Variants in BCAS3 observed in about 807,000 individuals in gnomAD.
BCAS3 encodes the protein BCAS3 microtubule associated cell migration factor, also known as BCAS4/BCAS3 fusion.
Under a neutral mutation model 116.1 loss-of-function variants are expected in BCAS3, and 53 were observed. The ratio of observed to expected loss-of-function variants is 0.46; its 90% CI spans 0.37 to 0.57. BCAS3 has a LOEUF of 0.57. Among genes scored for constraint, BCAS3 ranks in the 20% least tolerant of loss-of-function variants. BCAS3 has a pLI of 0.00. For synonymous variants in BCAS3, 391 were observed against 408.2 expected (o/e 0.96, Z 0.51); for missense variants, 917 against 1,165.4 (o/e 0.79, Z 3.10).
intron 6 of BCAS3, among the ~76,000 whole-genome samples, chr17:60,799,078 T>G (rs1467256555): frequency 6.6e-6 from 1 of 152,232 alleles, no homozygotes; most frequent in Non-Finnish European, 1.5e-5. Context: ...ATGTGTTTTT[T>G]GCAAATGTTT....
At chr17:61,072,278 T>C (rs2071504842) in intron 19 of BCAS3, among the ~76,000 whole-genome samples, 1 of 152,192 alleles carries the variant, frequency 6.6e-6, no homozygotes, top group African/African-American at 2.4e-5. Context: ...TGAGCCTCCA[T>C]GTACCTATCA....
At chr17:60,931,759 G>A (rs2059657206) in intron 13 of BCAS3, among the ~76,000 whole-genome samples, 1 of 152,086 alleles carries the variant, frequency 6.6e-6, no homozygotes. Flanking sequence ...TCAATAAAAT[G>A]GGGGCTAGTA....
At chr17:60,799,845 T>C (rs2047605732) in intron 6 of BCAS3, among the ~76,000 whole-genome samples, 1 of 149,284 alleles carries the variant, frequency 6.7e-6, no homozygotes, top group South Asian at 2.1e-4. Flanking sequence ...CATGAGCCAA[T>C]GAGACACCGT....
intron 7 of BCAS3, among the ~76,000 whole-genome samples, chr17:60,836,963 T>C (rs189345124): frequency 6.6e-4 from 100 of 152,326 alleles, no homozygotes; most frequent in Admixed American, 5.0e-3. Context: ...ATTTGTCTGT[T>C]TGGTGAAGGC....
Position 61,302,442 on chromosome 17 carries a change from A to G in BCAS3, c.2426-65885A>G, listed in dbSNP as rs1341235821. 6.6e-6 allele frequency among the ~76,000 whole-genome samples: 1 copy of G among 152,154 alleles called. No individual in the cohort carries two copies. Among genetic ancestry groups the G allele is most frequent in the Non-Finnish European group, 1.5e-5 (1 of 68,022 alleles). ...ATGCAAATTTTCCTGCCTTTTTACT[A>G]TGGTCATTTTTAGATTCTTGAGGAA... On this transcript the variant is annotated intron_variant, in intron 22 of 23. Coordinates refer to ENST00000407086, the MANE Select transcript of BCAS3 (RefSeq NM_017679.5). This position sits in a 1 kb window ranked among gnomAD's most constrained non-coding sequence, Gnocchi z 4.4.
chr17:61,132,063 G>A lies in BCAS3; in HGVS notation c.2425+47499G>A, dbSNP rs190662949. 2.2e-4 allele frequency among the ~76,000 whole-genome samples: 33 copies of A among 152,260 alleles called. No homozygotes were observed. Among genetic ancestry groups the A allele is most frequent in the African/African-American group, 7.5e-4 (31 of 41,570 alleles). ...TTATAGCCACTCTGTCCCCAAAGAAGTTTTTAATGCTTTGACCTATAACCA... is the reference window on the plus strand; with the variant it reads ...TTATAGCCACTCTGTCCCCAAAGAAATTTTTAATGCTTTGACCTATAACCA... On this transcript the variant is annotated intron_variant, in intron 22 of 23. Transcript: ENST00000407086. The surrounding 1 kb of genome is among the most constrained non-coding windows in gnomAD (Gnocchi z 5.1).
chr17:60,754,618 G>T (rs1330792444), intron 6 of BCAS3, among the ~76,000 whole-genome samples: 4 of 151,656 alleles, frequency 2.6e-5, no homozygotes, highest in Non-Finnish European at 2.9e-5. Context: ...TCCTGCTCCT[G>T]GAGAAAGACA....
chr17:60,791,514 C>T (rs1409585043), intron 6 of BCAS3, among the ~76,000 whole-genome samples: 1 of 152,046 alleles, frequency 6.6e-6, no homozygotes, highest in Non-Finnish European at 1.5e-5. Context: ...ATTAGCTGGG[C>T]ATGGCGGCGC....
intron 22 of BCAS3, among the ~76,000 whole-genome samples, chr17:61,157,177 A>G (rs2077895694): frequency 1.3e-5 from 2 of 152,334 alleles, no homozygotes; most frequent in South Asian, 4.1e-4. Flanking sequence ...AAAGATGTAC[A>G]ATGTGAAGAT....
At chr17:61,246,828 T>C in intron 22 of BCAS3, among the ~76,000 whole-genome samples, 1 of 148,710 alleles carries the variant, frequency 6.7e-6, no homozygotes, top group Admixed American at 6.6e-5. Context: ...TGTGTGTGTG[T>C]GTATGTGTGT....
rs1262524530 is a variant in BCAS3 at position 61,145,311 on chromosome 17, G to A, written c.2425+60747G>A. Among the ~76,000 whole-genome samples the A allele has an allele frequency of 6.6e-6, 1 of 152,148 alleles. No homozygotes were observed. The highest frequency in any genetic ancestry group is 1.5e-5 in the Non-Finnish European group (1 of 68,024). On this transcript the variant is annotated intron_variant, in intron 22 of 23. Transcript: ENST00000407086. This position sits in a 1 kb window ranked among gnomAD's most constrained non-coding sequence, Gnocchi z 5.0. ...TATGCAAACTGACAGTTCACATCCT[G>A]GGGCAGCAGCGGGGTCTGGCCTGCA...
rs2076821435 is a variant in BCAS3 at position 61,139,666 on chromosome 17, A to G, written c.2425+55102A>G. 6.6e-6 allele frequency among the ~76,000 whole-genome samples: 1 copy of G among 152,204 alleles called. No homozygotes were observed. Among genetic ancestry groups the G allele is most frequent in the South Asian group, 2.1e-4 (1 of 4,836 alleles). The stretch of plus-strand genomic sequence containing the variant: ...CATGCAGTATAGTTCAGTGCGATTA[A>G]AAGTCATCATGCTACATGATGTAGG... On this transcript the variant is annotated intron_variant, in intron 22 of 23. Transcript: ENST00000407086. The surrounding 1 kb of genome is among the most constrained non-coding windows in gnomAD (Gnocchi z 4.7).
In BCAS3 at chr17:61,259,316, A is replaced by T. The variant is rs139068775; in HGVS notation, c.2426-109011A>T. 3.6e-3 allele frequency among the ~76,000 whole-genome samples: 555 copies of T among 152,288 alleles called. 6 individuals carry two copies. The highest frequency in any genetic ancestry group is 0.012 in the African/African-American group (511 of 41,556). The stretch of plus-strand genomic sequence containing the variant: ...TTCTTGAGGGCACACAGAATTTGAG[A>T]ACACTGAAATTCAGCCAGATAGTGA... On this transcript the variant is annotated intron_variant, in intron 22 of 23. Transcript: ENST00000407086. The surrounding 1 kb of genome is among the most constrained non-coding windows in gnomAD (Gnocchi z 4.7).
Position 61,120,915 on chromosome 17 carries a change from A to G in BCAS3, c.2425+36351A>G, listed in dbSNP as rs560503894. On this transcript the variant is annotated intron_variant, in intron 22 of 23. Coordinates refer to ENST00000407086, the MANE Select transcript of BCAS3 (RefSeq NM_017679.5). ...GTTTATCCTCCATCTCCTTGTTTTTACTACTTTATAGTTTATTTATTAAGG... is the reference window on the plus strand; with the variant it reads ...GTTTATCCTCCATCTCCTTGTTTTTGCTACTTTATAGTTTATTTATTAAGG... Among the ~76,000 whole-genome samples the G allele has an allele frequency of 3.0e-4, 46 of 152,150 alleles. No individual in the cohort carries two copies. In the South Asian group the frequency reaches 3.5e-3, roughly 12 times the overall value.
chr17:61,110,560 G>C (rs564289749), intron 22 of BCAS3, among the ~76,000 whole-genome samples: 1 of 152,264 alleles, frequency 6.6e-6, no homozygotes, highest in Non-Finnish European at 1.5e-5. Context: ...CGCACCACGA[G>C]ATTATATCCC....
intron 15 of BCAS3, among the ~76,000 whole-genome samples, chr17:60,992,834 T>C (rs7214935): frequency 0.15 from 23,411 of 152,194 alleles, 5,708 homozygotes; most frequent in African/African-American, 0.52. Flanking sequence ...AAATTGTGTT[T>C]TCTATGTAGA....
chr17:61,260,646 A>T (rs1049570954), intron 22 of BCAS3, among the ~76,000 whole-genome samples: 3 of 152,198 alleles, frequency 2.0e-5, no homozygotes, highest in Admixed American at 2.0e-4. Context: ...TCAGTAGTTG[A>T]GTTTGAAAGC....
intron 14 of BCAS3, 25 bp from the exon 15 acceptor site, chr17:60,989,946 G>A (rs371977401): frequency 6.9e-6 from 11 of 1,600,996 alleles, no homozygotes; most frequent in Admixed American, 6.8e-5. Context: ...AGACATTTTT[G>A]TATCTTTTCT....
chr17:61,192,859 C>A (rs1359490433), intron 22 of BCAS3, among the ~76,000 whole-genome samples: 1 of 152,120 alleles, frequency 6.6e-6, no homozygotes, highest in African/African-American at 2.4e-5. Flanking sequence ...GGAATGAAAA[C>A]CTCAGACAGT....
Sources: allele counts gnomAD v4.1 joint callset (sites outside exome capture counted in the v4.1 genomes callset), GRCh38; gene constraint gnomAD v4.1.1; non-coding constraint Gnocchi (gnomAD v3.1); transcripts MANE v1.5; gene names NCBI Gene and HGNC (gene_info 2026-07-23, HGNC 2026-07-21).